GALNTL6: variants seen among roughly 807,000 people sequenced by gnomAD.
The protein encoded by GALNTL6 is polypeptide N-acetylgalactosaminyltransferase-like 6.
In GALNTL6, 46 loss-of-function variants were observed where a neutral mutation model predicts 73.7. The observed-to-expected ratio is 0.62, with a 90% CI of 0.49 to 0.80. GALNTL6 has a LOEUF of 0.80. Among genes scored for constraint, GALNTL6 ranks in the 30% least tolerant of loss-of-function variants. GALNTL6 has a pLI of 0.00. For synonymous variants in GALNTL6, 259 were observed against 263.7 expected (o/e 0.98, Z 0.17); for missense variants, 604 against 755.0 (o/e 0.80, Z 2.34).
chr4:172,841,944 T>C (rs1411627594), intron 7 of GALNTL6, among the ~76,000 whole-genome samples: 1 of 152,204 alleles, frequency 6.6e-6, no homozygotes, highest in African/African-American at 2.4e-5. Context: ...ACAGCTGCCA[T>C]TCACTGAGCC....
chr4:172,144,745 T>A (rs193184261), intron 2 of GALNTL6, among the ~76,000 whole-genome samples: 133 of 152,320 alleles, frequency 8.7e-4, no homozygotes, highest in Non-Finnish European at 1.5e-3. Flanking sequence ...TGTACAAAAT[T>A]ATAATGTCAA....
intron 2 of GALNTL6, among the ~76,000 whole-genome samples, chr4:172,179,257 T>A (rs1158049442): frequency 2.0e-5 from 3 of 151,640 alleles, no homozygotes; most frequent in Non-Finnish European, 4.4e-5. Flanking sequence ...GATGAACTAG[T>A]TTGCAGTCCC....
In GALNTL6 at chr4:172,995,387, G is replaced by A. The variant is rs574360026; in HGVS notation, c.1372-13791G>A. ...TCTTCCCACAATCTGGGAGTGGAAG[G>A]GGGCCACACTGTCTCCACAGCACAT... On this transcript the variant is annotated intron_variant, in intron 10 of 12. Transcript: ENST00000506823. Among the ~76,000 whole-genome samples the A allele has an allele frequency of 7.9e-5, 12 of 152,260 alleles. No individual in the cohort carries two copies. In the East Asian group the frequency reaches 2.3e-3, roughly 29 times the overall value.
chr4:172,486,740 C>T (rs1483905060), intron 5 of GALNTL6, among the ~76,000 whole-genome samples: 3 of 152,214 alleles, frequency 2.0e-5, no homozygotes, highest in Non-Finnish European at 2.9e-5. Context: ...CTTTAATAGC[C>T]TTCTGCTTTC....
At chr4:172,496,225 C>T (rs1206321158) in intron 5 of GALNTL6, among the ~76,000 whole-genome samples, 1 of 152,174 alleles carries the variant, frequency 6.6e-6, no homozygotes, top group Non-Finnish European at 1.5e-5. Flanking sequence ...ATTCTACTCA[C>T]TTCCAGTATG....
At chr4:172,182,834 C>A (rs1402177517) in intron 2 of GALNTL6, among the ~76,000 whole-genome samples, 1 of 152,006 alleles carries the variant, frequency 6.6e-6, no homozygotes, top group Non-Finnish European at 1.5e-5. Flanking sequence ...ATAAAATATA[C>A]TCAATATTTT....
At chr4:172,394,541 C>T (rs766013555) in intron 5 of GALNTL6, among the ~76,000 whole-genome samples, 19 of 150,304 alleles carry the variant, frequency 1.3e-4, no homozygotes, top group Non-Finnish European at 1.8e-4. Context: ...AAGGGATTCT[C>T]CTGCTTCAGC....
intron 5 of GALNTL6, among the ~76,000 whole-genome samples, chr4:172,451,872 A>T (rs1283345336): frequency 6.6e-6 from 1 of 152,042 alleles, no homozygotes; most frequent in Non-Finnish European, 1.5e-5. Flanking sequence ...TTAGCTGTTT[A>T]TGGTGGTGTG....
rs1270214774 is a variant in GALNTL6, at chr4:172,162,583, A to C, written c.139-67073A>C. Among the ~76,000 whole-genome samples, 5 of 151,976 alleles carry C rather than the reference A, an allele frequency of 3.3e-5. No homozygotes were observed. The East Asian group carries it at 9.6e-4, about 29-fold the overall frequency. ...GGTCATTCACTAGGAAAAAGAGAAA[A>C]ATAGCTGCAGAGAGAGAGAAAAATG... On this transcript the variant is annotated intron_variant, in intron 2 of 12. Coordinates refer to ENST00000506823, the MANE Select transcript of GALNTL6 (RefSeq NM_001034845.3).
chr4:172,092,609 CATTT>C (rs1195934830), intron 2 of GALNTL6, among the ~76,000 whole-genome samples: 1 of 151,964 alleles, frequency 6.6e-6, no homozygotes, highest in Non-Finnish European at 1.5e-5. Flanking sequence ...AATAGTCATT[CATTT>C]AGCCAAAATA....
At chr4:172,479,920 C>T (rs1057353045) in intron 5 of GALNTL6, among the ~76,000 whole-genome samples, 1 of 152,148 alleles carries the variant, frequency 6.6e-6, no homozygotes, top group Admixed American at 6.5e-5. Flanking sequence ...TACTGATTCT[C>T]TTATCAGAGA....
chr4:172,547,484 G>A (rs963111683), intron 5 of GALNTL6, among the ~76,000 whole-genome samples: 3 of 152,076 alleles, frequency 2.0e-5, no homozygotes, highest in African/African-American at 7.2e-5. Flanking sequence ...CTGGGGGAGG[G>A]AAGCATATTT....
chr4:172,380,203 C>T, intron 5 of GALNTL6: 1 of 1,002,374 alleles, frequency 1.0e-6, no homozygotes, highest in Non-Finnish European at 1.6e-6. Context: ...GGGCTGGGGA[C>T]CACTTACCTT....
intron 2 of GALNTL6, among the ~76,000 whole-genome samples, chr4:171,817,451 G>A (rs894387334): frequency 1.6e-4 from 24 of 151,194 alleles, no homozygotes; most frequent in African/African-American, 5.8e-4. Context: ...TTTCTATCTA[G>A]TATTGAGTAC....
intron 2 of GALNTL6, among the ~76,000 whole-genome samples, chr4:172,058,871 G>A (rs946758070): frequency 4.6e-5 from 7 of 152,114 alleles, no homozygotes; most frequent in Non-Finnish European, 8.8e-5. Flanking sequence ...AGAAGACGGT[G>A]ACTTGAGCAT....
rs535724539 is a variant in GALNTL6, at chr4:172,001,863, G to T, written c.138+187145G>T. ...AGGTTTGTAATTTGTTGCCAAACAG[G>T]AACAACATTTTCCTTCAGACCCATT... On this transcript the variant is annotated intron_variant, in intron 2 of 12. Coordinates refer to ENST00000506823, the MANE Select transcript of GALNTL6 (RefSeq NM_001034845.3). 2.0e-5 allele frequency among the ~76,000 whole-genome samples: 3 copies of T among 152,154 alleles called. No homozygotes were observed. In the East Asian group the frequency reaches 5.8e-4, roughly 30 times the overall value.
At chr4:172,375,747 A>C (rs574194529) in intron 5 of GALNTL6, among the ~76,000 whole-genome samples, 14 of 152,134 alleles carry the variant, frequency 9.2e-5, no homozygotes, top group African/African-American at 3.4e-4. Context: ...GAAAACCTGC[A>C]CTCTTGCCTG....
chr4:172,180,244 C>A lies in GALNTL6; in HGVS notation c.139-49412C>A, dbSNP rs566274461. The stretch of plus-strand genomic sequence containing the variant: ...CATTTGTTGGCCACATTAATGTTTT[C>A]TTTTGAACAGTGTCTGTTCATATCC... On this transcript the variant is annotated intron_variant, in intron 2 of 12. Transcript: ENST00000506823. Among the ~76,000 whole-genome samples the A allele has an allele frequency of 5.9e-5, 9 of 152,150 alleles. No individual in the cohort carries two copies. The South Asian group carries it at 1.9e-3, about 32-fold the overall frequency.
intron 3 of GALNTL6, among the ~76,000 whole-genome samples, chr4:172,302,091 G>A (rs893963326): frequency 1.4e-4 from 22 of 152,294 alleles, no homozygotes; most frequent in African/African-American, 3.4e-4. Flanking sequence ...CCCCAGCCTC[G>A]CTGCTGCCTT....
Sources: allele counts gnomAD v4.1 joint callset (sites outside exome capture counted in the v4.1 genomes callset), GRCh38; gene constraint gnomAD v4.1.1; transcripts MANE v1.5; gene names NCBI Gene and HGNC (gene_info 2026-07-23, HGNC 2026-07-21).